Variants in MAD1L1 observed in about 807,000 individuals in gnomAD.
MAD1L1 encodes mitotic arrest deficient 1 like 1.
Under a neutral mutation model 96.9 loss-of-function variants are expected in MAD1L1, and 95 were observed. The ratio of observed to expected loss-of-function variants is 0.98; its 90% CI spans 0.83 to 1.16. MAD1L1 has a LOEUF of 1.16. Ranked by LOEUF, MAD1L1 falls within the 50% of genes most tolerant of loss-of-function variation. The probability of loss-of-function intolerance (pLI) is 0.00; values close to 1 mark genes in which losing one functional copy is unlikely to be tolerated. For missense variants in MAD1L1, 1,007 were observed against 954.4 expected, an observed-to-expected ratio of 1.06 and a Z score of -0.73; for synonymous variants, 473 against 396.6, an observed-to-expected ratio of 1.19 and a Z score of -2.29.
At chr7:1,856,099 C>T (rs1784237078) in intron 18 of MAD1L1, among the ~76,000 whole-genome samples, 1 of 152,186 alleles carries the variant, frequency 6.6e-6, no homozygotes, top group Admixed American at 6.5e-5. Context: ...AATCCCTCAT[C>T]TTGGGCGTTA....
intron 18 of MAD1L1, chr7:1,847,238 TTC>T (rs753911929): frequency 6.4e-6 from 3 of 470,842 alleles, no homozygotes; most frequent in South Asian, 4.6e-5. Flanking sequence ...GCTTGTCCTT[TTC>T]TGTTTAGGAA....
intron 18 of MAD1L1, among the ~76,000 whole-genome samples, chr7:1,843,522 G>T (rs1238864677): frequency 6.6e-6 from 1 of 152,168 alleles, no homozygotes; most frequent in Non-Finnish European, 1.5e-5. Flanking sequence ...CTGTGCTGAG[G>T]GCCTCCTGAA....
In MAD1L1 at chr7:1,931,388, T is replaced by G. The variant is rs190639974; in HGVS notation, c.1807+5299A>C. ...CAGCAAGCGGCGTGACCTGGACTTTTCTCTTTTTAACTTTAGATTTACATG... is the reference window on the plus strand; with the variant it reads ...CAGCAAGCGGCGTGACCTGGACTTTGCTCTTTTTAACTTTAGATTTACATG... On this transcript the variant is annotated intron_variant, in intron 17 of 18. Coordinates refer to ENST00000265854, the MANE Select transcript of MAD1L1 (RefSeq NM_001013836.2). 1.9e-3 allele frequency among the ~76,000 whole-genome samples: 286 copies of G among 152,360 alleles called. 2 individuals carry two copies. Among genetic ancestry groups the G allele is most frequent in the Non-Finnish European group, 5.9e-4 (40 of 68,034 alleles).
At chr7:2,210,591 G>GTATTCGGGACCGCCAGCCC (rs1792886871) in intron 10 of MAD1L1, among the ~76,000 whole-genome samples, 1 of 151,308 alleles carries the variant, frequency 6.6e-6, no homozygotes, top group African/African-American at 2.4e-5. Flanking sequence ...CGTGGACTGC[G>GTATTCGGGACCGCCAGCCC]GCATGAGCAC....
intron 11 of MAD1L1, among the ~76,000 whole-genome samples, chr7:2,104,555 C>G (rs1335679822): frequency 1.3e-5 from 2 of 152,248 alleles, no homozygotes; most frequent in Non-Finnish European, 2.9e-5. Context: ...AATGAAATGC[C>G]AGCAACTACA....
chr7:1,950,681 CG>C (rs1779451238), intron 16 of MAD1L1, among the ~76,000 whole-genome samples: 1 of 152,228 alleles, frequency 6.6e-6, no homozygotes, highest in African/African-American at 2.4e-5. Flanking sequence ...CCAGGCCCTT[CG>C]CCACCCTCTG....
At chr7:1,870,953 C>T (rs541714653) in intron 18 of MAD1L1, among the ~76,000 whole-genome samples, 13 of 147,170 alleles carry the variant, frequency 8.8e-5, no homozygotes, top group African/African-American at 2.5e-4. Flanking sequence ...CTGAACCCAC[C>T]GTAACACCTG....
chr7:1,824,812 G>A (rs1274042998), intron 18 of MAD1L1, among the ~76,000 whole-genome samples: 5 of 151,586 alleles, frequency 3.3e-5, no homozygotes, highest in Non-Finnish European at 5.9e-5. Context: ...AAGACTCTCC[G>A]GGCGTCTCAA....
At chr7:1,957,255 G>A (rs975862789) in intron 16 of MAD1L1, among the ~76,000 whole-genome samples, 1 of 152,246 alleles carries the variant, frequency 6.6e-6, no homozygotes, top group Non-Finnish European at 1.5e-5. Flanking sequence ...TCGAACCTGA[G>A]GGCTTCCTGC....
intron 12 of MAD1L1, among the ~76,000 whole-genome samples, chr7:2,023,423 T>C (rs1444671327): frequency 1.3e-5 from 2 of 152,124 alleles, no homozygotes; most frequent in African/African-American, 2.4e-5. Flanking sequence ...AACAATCCAC[T>C]TGTAAATAAC....
chr7:2,162,253 T>C (rs1279288108), intron 10 of MAD1L1, among the ~76,000 whole-genome samples: 1 of 152,196 alleles, frequency 6.6e-6, no homozygotes, highest in Non-Finnish European at 1.5e-5. Context: ...AGAAAAATTC[T>C]TCTGCCTTGG....
chr7:2,226,643 G>T (rs577441044), intron 3 of MAD1L1, among the ~76,000 whole-genome samples: 1 of 152,092 alleles, frequency 6.6e-6, no homozygotes, highest in African/African-American at 2.4e-5. Flanking sequence ...AGCATCTCCC[G>T]GCACTTAACA....
intron 10 of MAD1L1, among the ~76,000 whole-genome samples, chr7:2,205,570 C>T (rs981396528): frequency 6.6e-6 from 1 of 152,128 alleles, no homozygotes; most frequent in Non-Finnish European, 1.5e-5. Flanking sequence ...GGCCGCTGCC[C>T]GCCAAAACAC....
intron 18 of MAD1L1, among the ~76,000 whole-genome samples, chr7:1,820,212 G>A (rs906323344): frequency 1.3e-5 from 2 of 151,980 alleles, no homozygotes; most frequent in Admixed American, 1.3e-4. Context: ...TGCCTCGAAG[G>A]AAATAAAAAA....
At chr7:2,141,897 G>C (rs374759508) in intron 11 of MAD1L1, among the ~76,000 whole-genome samples, 1 of 152,218 alleles carries the variant, frequency 6.6e-6, no homozygotes, top group Non-Finnish European at 1.5e-5. Flanking sequence ...GTGGAGAAGA[G>C]AGGGGGACTG....
intron 11 of MAD1L1, among the ~76,000 whole-genome samples, chr7:2,108,932 C>A (rs866707339): frequency 3.3e-5 from 5 of 152,268 alleles, no homozygotes; most frequent in Admixed American, 2.6e-4. Flanking sequence ...AGTGCAGGGC[C>A]CCCGCGAGGG....
chr7:2,045,994 G>A (rs895329133), intron 12 of MAD1L1, among the ~76,000 whole-genome samples: 3 of 152,188 alleles, frequency 2.0e-5, no homozygotes, highest in Non-Finnish European at 4.4e-5. Context: ...CATGACAGAG[G>A]CGGCAGTGGA....
intron 10 of MAD1L1, among the ~76,000 whole-genome samples, chr7:2,150,137 C>T (rs1013413514): frequency 2.6e-5 from 4 of 152,178 alleles, no homozygotes; most frequent in African/African-American, 4.8e-5. Context: ...GAATGAGCAA[C>T]GGGGACCCCG....
chr7:2,226,580 G>A (rs1425067310), intron 3 of MAD1L1, among the ~76,000 whole-genome samples: 1 of 152,244 alleles, frequency 6.6e-6, no homozygotes, highest in Non-Finnish European at 1.5e-5. Context: ...CTGCTCAGCT[G>A]GAGGAAAAGG....
Sources: gnomAD v4.1 joint callset for allele counts (sites outside exome capture counted in the v4.1 genomes callset) on GRCh38, gnomAD v4.1.1 for gene constraint, MANE v1.5 for transcripts, NCBI Gene and HGNC (gene_info 2026-07-23, HGNC 2026-07-21) for gene names.